THEMIS: variants seen among roughly 807,000 people sequenced by gnomAD.
THEMIS encodes thymocyte selection associated, also known as protein THEMIS.
Under a neutral mutation model 52.6 loss-of-function variants are expected in THEMIS, and 37 were observed. That is an observed-to-expected ratio of 0.70 (90% confidence interval 0.54 to 0.93). THEMIS has a LOEUF of 0.93. Ranked by LOEUF, THEMIS falls within the 40% of genes least tolerant of loss-of-function variation. The pLI is 0.00. For synonymous variants in THEMIS, 292 were observed against 272.7 expected, an observed-to-expected ratio of 1.07 and a Z score of -0.70; for missense variants, 808 against 763.1, an observed-to-expected ratio of 1.06 and a Z score of -0.69.
At chr6:127,875,977 C>T (rs1296237728) in intron 1 of THEMIS, among the ~76,000 whole-genome samples, 3 of 152,110 alleles carry the variant, frequency 2.0e-5, no homozygotes, top group Admixed American at 6.5e-5. Flanking sequence ...GTAAAAATAC[C>T]ACTTTTAAGA....
intron 1 of THEMIS, among the ~76,000 whole-genome samples, chr6:127,917,295 G>A (rs1010504316): frequency 2.2e-4 from 33 of 152,270 alleles, no homozygotes; most frequent in African/African-American, 7.7e-4. Context: ...CGGTAGGCAG[G>A]CAATAGATGC....
At chr6:127,710,615 A>G (rs1454169279) in intron 5 of THEMIS, among the ~76,000 whole-genome samples, 2 of 152,058 alleles carry the variant, frequency 1.3e-5, no homozygotes, top group African/African-American at 2.4e-5. Context: ...ATGTACACAT[A>G]CCTGGCATTG....
At chr6:127,846,406 A>C (rs1473246215) in intron 2 of THEMIS, among the ~76,000 whole-genome samples, 3 of 151,946 alleles carry the variant, frequency 2.0e-5, no homozygotes, top group Non-Finnish European at 4.4e-5. Flanking sequence ...TTCACCAAGA[A>C]AAAAAGAGAG....
downstream of THEMIS, among the ~76,000 whole-genome samples, chr6:127,703,604 A>T (rs939323467): frequency 1.3e-5 from 2 of 152,208 alleles, no homozygotes; most frequent in African/African-American, 4.8e-5. Context: ...AGGGCCCCAT[A>T]GCTTAAGTAC....
chr6:127,817,713 C>G (rs1778184312), intron 3 of THEMIS, among the ~76,000 whole-genome samples: 1 of 152,120 alleles, frequency 6.6e-6, no homozygotes, highest in African/African-American at 2.4e-5. Context: ...CAAATACAAA[C>G]AGTCATAGCT....
chr6:127,754,861 T>C (rs1775767124), intron 4 of THEMIS, among the ~76,000 whole-genome samples: 1 of 152,168 alleles, frequency 6.6e-6, no homozygotes, highest in Non-Finnish European at 1.5e-5. Context: ...ATAAACTGTC[T>C]ATAAATTATC....
intron 1 of THEMIS, among the ~76,000 whole-genome samples, chr6:127,908,169 C>T (rs946196562): frequency 6.6e-6 from 1 of 152,018 alleles, no homozygotes; most frequent in Non-Finnish European, 1.5e-5. Flanking sequence ...CTTTTTTGAT[C>T]ATCCTTTTTT....
intron 3 of THEMIS, among the ~76,000 whole-genome samples, chr6:127,824,665 T>C (rs751973091): frequency 6.6e-6 from 1 of 151,930 alleles, no homozygotes; most frequent in Non-Finnish European, 1.5e-5. Context: ...AAAAAAACTA[T>C]CTAAAATATT....
At chr6:127,736,180 C>T (rs1774998614) in intron 4 of THEMIS, among the ~76,000 whole-genome samples, 2 of 152,126 alleles carry the variant, frequency 1.3e-5, no homozygotes, top group South Asian at 4.1e-4. Flanking sequence ...CATTTCATTT[C>T]CTTTTGGGGT....
chr6:127,838,725 C>T (rs971610855), intron 2 of THEMIS, among the ~76,000 whole-genome samples: 6 of 152,020 alleles, frequency 3.9e-5, no homozygotes, highest in African/African-American at 1.4e-4. Context: ...ACATTATTAA[C>T]TATACTAGAA....
chr6:127,869,998 G>A (rs2114377894), intron 1 of THEMIS, among the ~76,000 whole-genome samples: 1 of 152,270 alleles, frequency 6.6e-6, no homozygotes, highest in African/African-American at 2.4e-5. Context: ...CTTGGGTGGT[G>A]TCAGAAAAGG....
chr6:127,855,662 C>T (rs371798114), intron 1 of THEMIS, among the ~76,000 whole-genome samples: 4 of 151,934 alleles, frequency 2.6e-5, no homozygotes, highest in Admixed American at 1.3e-4. Context: ...AGATCTGGTT[C>T]TCTTCATTAG....
the THEMIS span, among the ~76,000 whole-genome samples, chr6:127,702,457 C>T: frequency 3.3e-5 from 5 of 152,160 alleles, no homozygotes; most frequent in African/African-American, 4.8e-5. Context: ...CTGAATTTCT[C>T]GTGCTCTTAC....
chr6:127,725,239 G>T (rs1774499121), intron 4 of THEMIS, among the ~76,000 whole-genome samples: 1 of 152,054 alleles, frequency 6.6e-6, no homozygotes, highest in Non-Finnish European at 1.5e-5. Flanking sequence ...AGTGATATTT[G>T]AGAAGAAATC....
intron 4 of THEMIS, among the ~76,000 whole-genome samples, chr6:127,721,691 G>T (rs904568826): frequency 6.6e-6 from 1 of 151,892 alleles, no homozygotes; most frequent in African/African-American, 2.4e-5. Context: ...AAAATTTATT[G>T]TCAGGCCTCT....
intron 1 of THEMIS, among the ~76,000 whole-genome samples, chr6:127,916,234 A>G (rs1186002559): frequency 2.0e-5 from 3 of 151,782 alleles, no homozygotes; most frequent in Non-Finnish European, 4.4e-5. Flanking sequence ...TGAGTTAGAA[A>G]TAATTATATA....
intron 1 of THEMIS, among the ~76,000 whole-genome samples, chr6:127,860,620 A>G (rs753745563): frequency 1.3e-5 from 2 of 152,126 alleles, no homozygotes; most frequent in African/African-American, 2.4e-5. Context: ...ACATCTGAAC[A>G]TGGGGAAGCA....
intron 1 of THEMIS, among the ~76,000 whole-genome samples, chr6:127,895,643 T>C (rs1395771960): frequency 1.3e-5 from 2 of 151,514 alleles, no homozygotes; most frequent in Non-Finnish European, 3.0e-5. Flanking sequence ...ATGTAGAAGA[T>C]ATTTTATTCT....
At chr6:127,843,673 G>A (rs540405556) in intron 2 of THEMIS, among the ~76,000 whole-genome samples, 1 of 151,880 alleles carries the variant, frequency 6.6e-6, no homozygotes, top group Admixed American at 6.6e-5. Context: ...TCACACCCTT[G>A]TTCAGTGCCC....
Sources: gnomAD v4.1 joint callset for allele counts (sites outside exome capture counted in the v4.1 genomes callset) on GRCh38, gnomAD v4.1.1 for gene constraint, MANE v1.5 for transcripts, NCBI Gene and HGNC (gene_info 2026-07-23, HGNC 2026-07-21) for gene names.